CAMTA1: variants seen among roughly 807,000 people sequenced by gnomAD.
CAMTA1 encodes calmodulin-binding transcription activator 1.
CAMTA1 carries 27 observed loss-of-function variants against 170.9 expected under a neutral mutation model. That is an observed-to-expected ratio of 0.16 (90% confidence interval 0.12 to 0.22). CAMTA1 has a LOEUF of 0.22. Ranked by LOEUF, CAMTA1 falls within the 10% of genes least tolerant of loss-of-function variation. CAMTA1 has a pLI of 1.00. For missense variants in CAMTA1, 1,619 were observed against 2,217.2 expected, an observed-to-expected ratio of 0.73 and a Z score of 5.42; for synonymous variants, 833 against 891.5, an observed-to-expected ratio of 0.93 and a Z score of 1.17.
intron 3 of CAMTA1, among the ~76,000 whole-genome samples, chr1:6,938,193 G>A (rs1363638516): frequency 6.6e-6 from 1 of 152,232 alleles, no homozygotes; most frequent in African/African-American, 2.4e-5. Context: ...CTGTACTTTT[G>A]TCAAGAGAAA....
At chr1:7,021,795 CT>C (rs1701390462) in intron 3 of CAMTA1, among the ~76,000 whole-genome samples, 1 of 152,174 alleles carries the variant, frequency 6.6e-6, no homozygotes, top group Non-Finnish European at 1.5e-5. Context: ...GAATATTTAA[CT>C]TTTAGAAAAG....
chr1:7,106,515 T>C (rs573070949), intron 4 of CAMTA1, among the ~76,000 whole-genome samples: 22 of 152,242 alleles, frequency 1.4e-4, no homozygotes, highest in African/African-American at 4.6e-4. Context: ...GCTAATTAGG[T>C]ACAGAAGTTG....
At chr1:7,227,364 G>T (rs1661895942) in intron 4 of CAMTA1, among the ~76,000 whole-genome samples, 1 of 152,090 alleles carries the variant, frequency 6.6e-6, no homozygotes, top group African/African-American at 2.4e-5. Flanking sequence ...TTTTGCTCTT[G>T]TTGCCTAGGC....
chr1:7,110,524 G>A (rs917038469), intron 4 of CAMTA1, among the ~76,000 whole-genome samples: 7 of 152,174 alleles, frequency 4.6e-5, no homozygotes, highest in South Asian at 2.1e-4. Context: ...ATGAATCTGC[G>A]ATGAATTATT....
intron 4 of CAMTA1, among the ~76,000 whole-genome samples, chr1:7,204,966 A>G (rs1240038997): frequency 1.3e-5 from 2 of 149,458 alleles, no homozygotes; most frequent in African/African-American, 5.0e-5. Context: ...AGTAGCTGGG[A>G]CTACAGGTGC....
chr1:7,337,317 GGCATT>G (rs2083447858), intron 5 of CAMTA1, among the ~76,000 whole-genome samples: 3 of 152,360 alleles, frequency 2.0e-5, no homozygotes, highest in African/African-American at 7.2e-5. Context: ...GTGTCTGATA[GGCATT>G]GCAGTGGTTC....
At chr1:7,373,638 T>A (rs1287297914) in intron 5 of CAMTA1, among the ~76,000 whole-genome samples, 1 of 152,226 alleles carries the variant, frequency 6.6e-6, no homozygotes, top group African/African-American at 2.4e-5. Context: ...ACTTTGCTTT[T>A]TTGCCTTGTG....
chr1:6,930,173 C>T (rs1432728825), intron 3 of CAMTA1, among the ~76,000 whole-genome samples: 2 of 152,204 alleles, frequency 1.3e-5, no homozygotes. Context: ...CAGACGCCCT[C>T]TCCTGAAGCT....
rs1322876036 is a variant in CAMTA1, at chr1:7,173,948, C to A, written c.303-75543C>A. Among the ~76,000 whole-genome samples the A allele has an allele frequency of 6.6e-6, 1 of 152,166 alleles. No individual in the cohort carries two copies. Among genetic ancestry groups the A allele is most frequent in the Admixed American group, 6.5e-5 (1 of 15,276 alleles). ...CTAGTGGAACTCAGAGGGGCCCAGC[C>A]TTTACCATGGGTTACCTTTGACACC... On this transcript the variant is annotated intron_variant, in intron 4 of 22. Transcript: ENST00000303635. This position sits in a 1 kb window ranked among gnomAD's most constrained non-coding sequence, Gnocchi z 5.4.
Position 7,579,552 on chromosome 1 carries a change from C to CTTTTTTTTTTTTTTTTTTTT in CAMTA1, c.511-60842_511-60823dup, listed in dbSNP as rs3034816. On this transcript the variant is annotated intron_variant, in intron 6 of 22. Transcript: ENST00000303635. Reference sequence around the variant, plus strand: ...GGTCCACTTTCTTTTCTTTTCTTTTCTTTTTTTTTTTTTTTTTTTTTTTTT... The same window carrying CTTTTTTTTTTTTTTTTTTTT: ...GGTCCACTTTCTTTTCTTTTCTTTTCTTTTTTTTTTTTTTTTTTTTTTTTTTTTTTTTTTTTTTTTTTTTT... Among the ~76,000 whole-genome samples, 71 of 79,188 alleles carry CTTTTTTTTTTTTTTTTTTTT rather than the reference C, an allele frequency of 9.0e-4. 1 individual carries two copies. Among genetic ancestry groups the CTTTTTTTTTTTTTTTTTTTT allele is most frequent in the Non-Finnish European group, 1.1e-3 (48 of 44,146 alleles). 52.0% of individuals were successfully genotyped at this position (79,188 alleles called of 152,430 possible).
intron 4 of CAMTA1, among the ~76,000 whole-genome samples, chr1:7,179,071 G>C (rs17030477): frequency 0.069 from 10,500 of 152,228 alleles, 385 homozygotes; most frequent in African/African-American, 0.084. Context: ...TCATGACCAA[G>C]GCGAAGCATC....
chr1:7,646,889 C>T (rs573293990), intron 7 of CAMTA1, among the ~76,000 whole-genome samples: 7 of 152,334 alleles, frequency 4.6e-5, no homozygotes, highest in African/African-American at 1.4e-4. Flanking sequence ...TCCCCTAACA[C>T]ACTGGTCCTC....
intron 4 of CAMTA1, among the ~76,000 whole-genome samples, chr1:7,186,044 A>G (rs1653190093): frequency 6.6e-6 from 1 of 152,198 alleles, no homozygotes; most frequent in Non-Finnish European, 1.5e-5. Context: ...TCTGATTTTT[A>G]GGGAATACAC....
At chr1:7,004,890 C>T (rs916882821) in intron 3 of CAMTA1, among the ~76,000 whole-genome samples, 3 of 152,198 alleles carry the variant, frequency 2.0e-5, no homozygotes, top group Non-Finnish European at 4.4e-5. Context: ...GCCTCAGCCT[C>T]CTGAATAGCT....
At chr1:7,312,318 A>C (rs1430542227) in intron 5 of CAMTA1, among the ~76,000 whole-genome samples, 1 of 151,840 alleles carries the variant, frequency 6.6e-6, no homozygotes, top group Non-Finnish European at 1.5e-5. Flanking sequence ...AAAAAAAAAC[A>C]AAAAACGGGA....
At position 7,591,200 on chromosome 1, in the gene CAMTA1, G is replaced by A. The variant is rs146317703; in HGVS notation, c.511-49200G>A. ...CCTTCCTGGTCTCTGAGAAAGGACCGATCCAAAGATGACAGGATTCAAAAG... is the reference window on the plus strand; with the variant it reads ...CCTTCCTGGTCTCTGAGAAAGGACCAATCCAAAGATGACAGGATTCAAAAG... On this transcript the variant is annotated intron_variant, in intron 6 of 22. Transcript: ENST00000303635. 9.8e-3 allele frequency among the ~76,000 whole-genome samples: 1,491 copies of A among 152,316 alleles called. 15 individuals carry two copies. Among genetic ancestry groups the A allele is most frequent in the Admixed American group, 0.017 (256 of 15,298 alleles).
intron 3 of CAMTA1, among the ~76,000 whole-genome samples, chr1:6,964,136 G>C (rs909189851): frequency 6.6e-6 from 1 of 151,958 alleles, no homozygotes; most frequent in African/African-American, 2.4e-5. Flanking sequence ...CCAGGTAGGG[G>C]TGCAGTGTCT....
At chr1:7,046,951 T>G (rs146588353) in intron 3 of CAMTA1, among the ~76,000 whole-genome samples, 1 of 152,338 alleles carries the variant, frequency 6.6e-6, no homozygotes, top group East Asian at 1.9e-4. Flanking sequence ...ATTTCTGTTT[T>G]TCCTCCTGGG....
At chr1:6,903,828 C>T (rs776117007) in intron 3 of CAMTA1, among the ~76,000 whole-genome samples, 47 of 152,168 alleles carry the variant, frequency 3.1e-4, no homozygotes, top group Admixed American at 2.0e-4. Context: ...AAGGAAGGAA[C>T]GGTGTGGACA....
Sources: allele counts gnomAD v4.1 joint callset (sites outside exome capture counted in the v4.1 genomes callset), GRCh38; gene constraint gnomAD v4.1.1; non-coding constraint Gnocchi (gnomAD v3.1); transcripts MANE v1.5; gene names NCBI Gene and HGNC (gene_info 2026-07-23, HGNC 2026-07-21).